Variants in PEA15 observed in about 807,000 individuals in gnomAD.
The protein encoded by PEA15 is astrocytic phosphoprotein PEA-15.
For missense variants in PEA15, 77 were observed against 161.3 expected, an observed-to-expected ratio of 0.48 and a Z score of 2.83; for synonymous variants, 60 against 61.8, an observed-to-expected ratio of 0.97 and a Z score of 0.13.
At chr1:160,212,500 G>GTA (rs1654918358) in intron 2 of PEA15, among the ~76,000 whole-genome samples, 1 of 152,080 alleles carries the variant, frequency 6.6e-6, no homozygotes, top group Non-Finnish European at 1.5e-5. Flanking sequence ...CAGGGAGAAC[G>GTA]TATAAAGGAG....
rs1655048064 is a variant in PEA15, at chr1:160,215,063, TAAG to T, written c.*1582_*1584del. The T allele has an allele frequency of 1.3e-5, 2 of 152,252 alleles. No individual in the cohort carries two copies. The highest frequency in any genetic ancestry group is 2.4e-5 in the African/African-American group (1 of 40,922). 9.4% of individuals were successfully genotyped at this position (152,252 alleles called of 1,614,324 possible). ...CCCTTTCCCTGTCTGGCTTCTCCCT[TAAG>T]AAGAGAGAGATACTTGTAGAATTGG... On this transcript the variant is annotated 3_prime_UTR_variant, in exon 4 of 4. Coordinates refer to ENST00000360472, the MANE Select transcript of PEA15 (RefSeq NM_003768.5).
At chr1:160,210,006 G>A (rs1040400355) in intron 1 of PEA15, among the ~76,000 whole-genome samples, 1 of 152,190 alleles carries the variant, frequency 6.6e-6, no homozygotes, top group African/African-American at 2.4e-5. Flanking sequence ...TGTTTCTTGC[G>A]GGGGTCATGG....
rs956824468 is a variant in PEA15 at position 160,214,773 on chromosome 1, C to T, written c.*1287C>T. The T allele has an allele frequency of 2.6e-5, 4 of 152,426 alleles. No individual in the cohort carries two copies. The highest frequency in any genetic ancestry group is 2.0e-4 in the Admixed American group (3 of 15,262). 9.4% of individuals were successfully genotyped at this position (152,426 alleles called of 1,614,324 possible). On this transcript the variant is annotated 3_prime_UTR_variant, in exon 4 of 4. Coordinates refer to ENST00000360472, the MANE Select transcript of PEA15 (RefSeq NM_003768.5). ...GTCCAAACAAAAAAGAAGGCTTTTTCAAAAAACATTAAATTCACATGCAGT... is the reference window on the plus strand; with the variant it reads ...GTCCAAACAAAAAAGAAGGCTTTTTTAAAAAACATTAAATTCACATGCAGT...
chr1:160,207,925 C>T (rs1654670900), intron 1 of PEA15, among the ~76,000 whole-genome samples: 1 of 152,182 alleles, frequency 6.6e-6, no homozygotes, highest in Non-Finnish European at 1.5e-5. Flanking sequence ...ATACAGGGAC[C>T]TCTAGGTCCT....
intron 1 of PEA15, 86 bp from the exon 2 acceptor site, chr1:160,211,457 G>A: frequency 7.0e-7 from 1 of 1,435,320 alleles, no homozygotes; most frequent in Non-Finnish European, 9.4e-7. Context: ...AGGGCAGAGT[G>A]GGGAGTAGGA....
Position 160,208,877 on chromosome 1 carries a change from T to A in PEA15, c.-2-2666T>A. The A allele has an allele frequency of 3.8e-6, 2 of 523,634 alleles. No individual in the cohort carries two copies. The highest frequency in any genetic ancestry group is 6.8e-6 in the Non-Finnish European group (2 of 292,422). The allele number at this position is 523,634 out of a possible 1,614,324, so 32.4% of individuals were successfully genotyped here. On this transcript the variant is annotated intron_variant, in intron 1 of 3. Transcript: ENST00000360472. This position sits in a 1 kb window ranked among gnomAD's most constrained non-coding sequence, Gnocchi z 4.1. ...ACACTCCTCCCATCTAGTGGTGTCA[T>A]CCTAACGACTGGGGGTGGGGGGCAC...
chr1:160,210,219 C>G (rs1469840805), intron 1 of PEA15, among the ~76,000 whole-genome samples: 2 of 152,250 alleles, frequency 1.3e-5, no homozygotes, highest in African/African-American at 4.8e-5. Flanking sequence ...CCCCTTTGAT[C>G]TGCCACATTC....
In PEA15 at chr1:160,214,744, CAT is replaced by C. The variant is rs1187968969; in HGVS notation, c.*1260_*1261del. 3.3e-5 allele frequency: 5 copies of C among 152,586 alleles called. No homozygotes were observed. Among genetic ancestry groups the C allele is most frequent in the African/African-American group, 1.2e-4 (5 of 41,440 alleles). 9.5% of individuals were successfully genotyped at this position (152,586 alleles called of 1,614,324 possible). On this transcript the variant is annotated 3_prime_UTR_variant, in exon 4 of 4. Coordinates refer to ENST00000360472, the MANE Select transcript of PEA15 (RefSeq NM_003768.5). ...AGGGAGTGGCAGAATCAAATTGCTA[CAT>C]AGTCCAAACAAAAAAGAAGGCTTTT...
chr1:160,213,693 AT>A lies in PEA15; in HGVS notation c.*208del. ...TCATCTAGTTCCTCTTCTTAAGGGG[AT>A]GGGGGTCAGGGGCTAGGGGAGGGGG... is the stretch of plus-strand genomic sequence containing the variant. On this transcript the variant is annotated 3_prime_UTR_variant, in exon 4 of 4. Transcript: ENST00000360472. This position sits in a 1 kb window ranked among gnomAD's most constrained non-coding sequence, Gnocchi z 5.3. The A allele has an allele frequency of 7.4e-6, 2 of 270,428 alleles. No homozygotes were observed. The highest frequency in any genetic ancestry group is 1.5e-5 in the Non-Finnish European group (2 of 137,080). 16.8% of individuals were successfully genotyped at this position (270,428 alleles called of 1,614,324 possible). A position where few individuals can be genotyped will look rare whatever the true frequency, so the allele number is the denominator to read the frequency against.
rs764827625 is a variant in PEA15, at chr1:160,213,252, C to T, written c.315C>T (p.Ala105=). Residue 105 remains alanine, a synonymous_variant, in exon 3 of 4, where the codon GCC becomes GCT. Transcript: ENST00000360472. This position sits in a 1 kb window ranked among gnomAD's most constrained non-coding sequence, Gnocchi z 5.3. ...CCAAGCTAACCCGTATCCCCAGTGCCAAGAAGTACAAAGGTAAGCGGCCAC... is the reference window on the plus strand; with the variant it reads ...CCAAGCTAACCCGTATCCCCAGTGCTAAGAAGTACAAAGGTAAGCGGCCAC... ...LDTKLTRIPS[A]KKYKDIIRQP... is the part of the protein sequence containing the mutation. 6.2e-7 allele frequency: 1 copy of T among 1,614,176 alleles called. No homozygotes were observed. The highest frequency in any genetic ancestry group is 8.5e-7 in the Non-Finnish European group (1 of 1,180,038).
rs1654864948 is a variant in PEA15 at position 160,211,235 on chromosome 1, GCCT to G, written c.-2-303_-2-301del. ...TCGGGAGCAGGTTGCTATGGTAACCGCCTCCTCAGTCAGGGGAACTGTTGCCAG... is the reference window on the plus strand; with the variant it reads ...TCGGGAGCAGGTTGCTATGGTAACCGCCTCAGTCAGGGGAACTGTTGCCAG... On this transcript the variant is annotated intron_variant, in intron 1 of 3. Coordinates refer to ENST00000360472, the MANE Select transcript of PEA15 (RefSeq NM_003768.5). 3 of 1,019,526 alleles carry G rather than the reference GCCT, an allele frequency of 2.9e-6. No individual in the cohort carries two copies. In the South Asian group the frequency reaches 1.4e-4, roughly 47 times the overall value. 63.2% of individuals were successfully genotyped at this position (1,019,526 alleles called of 1,614,324 possible). A position where few individuals can be genotyped will look rare whatever the true frequency, so the allele number is the denominator to read the frequency against.
In PEA15 at chr1:160,213,468, C is replaced by T; in HGVS notation, c.375C>T (p.Pro125=). The T allele has an allele frequency of 6.2e-7, 1 of 1,613,982 alleles. No homozygotes were observed. The highest frequency in any genetic ancestry group is 8.5e-7 in the Non-Finnish European group (1 of 1,179,970). The change falls in exon 4 of 4, where the codon CCC becomes CCT. Residue 125 remains proline (P), a synonymous_variant. Transcript: ENST00000360472. This position sits in a 1 kb window ranked among gnomAD's most constrained non-coding sequence, Gnocchi z 5.3. ...AGGAAGAGATCATCAAATTGGCTCC[C>T]CCACCGAAGAAGGCCTGAGCAAGGG... The part of the protein sequence containing the change: ...PSEEEIIKLA[P]PPKKA
chr1:160,208,651 G>GCCAGACCAGC lies in PEA15; in HGVS notation c.-2-2887_-2-2878dup. 6.4e-7 allele frequency: 1 copy of GCCAGACCAGC among 1,550,392 alleles called. No individual in the cohort carries two copies. Among genetic ancestry groups the GCCAGACCAGC allele is most frequent in the Non-Finnish European group, 8.7e-7 (1 of 1,146,826 alleles). The stretch of plus-strand genomic sequence containing the variant: ...CTCTGCCAAGCCCCACCATGGCCAG[G>GCCAGACCAGC]CCAGACCAGCCCAGGTACAACTGTT... On this transcript the variant is annotated intron_variant, in intron 1 of 3. Coordinates refer to ENST00000360472, the MANE Select transcript of PEA15 (RefSeq NM_003768.5). This position sits in a 1 kb window ranked among gnomAD's most constrained non-coding sequence, Gnocchi z 4.1.
Position 160,213,198 on chromosome 1 carries a change from G to A in PEA15, c.261G>A (p.Leu87=), listed in dbSNP as rs1193838783. 6.2e-7 allele frequency: 1 copy of A among 1,614,194 alleles called. No individual in the cohort carries two copies. The change falls in exon 3 of 4, where the codon CTG becomes CTA. Residue 87 remains leucine, a synonymous_variant. Coordinates refer to ENST00000360472, the MANE Select transcript of PEA15 (RefSeq NM_003768.5). The surrounding 1 kb of genome is among the most constrained non-coding windows in gnomAD (Gnocchi z 5.3). ...TGGTTGACTACAGAACCCGTGTGCT[G>A]AAGATCTCTGAGGAGGATGAGCTGG... is the stretch of plus-strand genomic sequence containing the variant. ...TMVVDYRTRV[L]KISEEDELDT...
At chr1:160,212,396 T>C (rs1571068465) in intron 2 of PEA15, among the ~76,000 whole-genome samples, 1 of 151,976 alleles carries the variant, frequency 6.6e-6, no homozygotes, top group African/African-American at 2.4e-5. Flanking sequence ...GAAGGTAAGG[T>C]AAGACTGTGT....
In PEA15 at chr1:160,208,423, G is replaced by T; in HGVS notation, c.-3+2901G>T. On this transcript the variant is annotated intron_variant, in intron 1 of 3. Transcript: ENST00000360472. This position sits in a 1 kb window ranked among gnomAD's most constrained non-coding sequence, Gnocchi z 4.1. ...AGAGGACTGACTTCCTGGCAGCCGGGGCTCCGGTTCCTGATTCCTGCCCTG... is the reference window on the plus strand; with the variant it reads ...AGAGGACTGACTTCCTGGCAGCCGGTGCTCCGGTTCCTGATTCCTGCCCTG... 1.7e-6 allele frequency: 1 copy of T among 595,588 alleles called. No homozygotes were observed. Among genetic ancestry groups the T allele is most frequent in the East Asian group, 2.8e-5 (1 of 35,466 alleles). The allele number at this position is 595,588 out of a possible 1,614,324, so 36.9% of individuals were successfully genotyped here. A position where few individuals can be genotyped will look rare whatever the true frequency, so the allele number is the denominator to read the frequency against.
At chr1:160,211,367 T>G in intron 1 of PEA15, 176 bp from the exon 2 acceptor site, 2 of 1,305,816 alleles carry the variant, frequency 1.5e-6, no homozygotes, top group Non-Finnish European at 2.0e-6. Flanking sequence ...CCGTCTACCC[T>G]GACTGCCTCC....
chr1:160,211,334 G>A (rs1654869512), intron 1 of PEA15: 2 of 1,265,188 alleles, frequency 1.6e-6, no homozygotes, highest in African/African-American at 1.5e-5. Context: ...GTCACTCTAG[G>A]CTCCAGCCTG....
chr1:160,208,446 C>G lies in PEA15; in HGVS notation c.-3+2924C>G, dbSNP rs187851144. The G allele has an allele frequency of 6.7e-4, 439 of 652,144 alleles. 1 individual carries two copies. The African/African-American group carries it at 7.0e-3, about 10-fold the overall frequency. 40.4% of individuals were successfully genotyped at this position (652,144 alleles called of 1,614,324 possible). A position where few individuals can be genotyped will look rare whatever the true frequency, so the allele number is the denominator to read the frequency against. ...GGGGCTCCGGTTCCTGATTCCTGCC[C>G]TGGTATCCTGTCCCAAGAATGGCCT... is the stretch of plus-strand genomic sequence containing the variant. On this transcript the variant is annotated intron_variant, in intron 1 of 3. Transcript: ENST00000360472. The surrounding 1 kb of genome is among the most constrained non-coding windows in gnomAD (Gnocchi z 4.1).
Sources: gnomAD v4.1 joint callset for allele counts (sites outside exome capture counted in the v4.1 genomes callset) on GRCh38, gnomAD v4.1.1 for gene constraint, Gnocchi (gnomAD v3.1) non-coding constraint, MANE v1.5 for transcripts, NCBI Gene and HGNC (gene_info 2026-07-23, HGNC 2026-07-21) for gene names.